The following MPZL2 variants were observed in gnomAD, a reference collection of about 807,000 sequenced individuals.
MPZL2 encodes myelin protein zero like 2, also known as myelin protein zero-like protein 2.
MPZL2 carries 32 observed loss-of-function variants against 24.5 expected under a neutral mutation model. The ratio of observed to expected loss-of-function variants is 1.31; its 90% CI spans 0.99 to 1.76. MPZL2 has a LOEUF of 1.76. MPZL2 is among the 40% of genes most tolerant of loss of function. The pLI is 0.00. For synonymous variants in MPZL2, 92 were observed against 97.9 expected (o/e 0.94, Z 0.36); for missense variants, 304 against 274.9 (o/e 1.11, Z -0.75).
In MPZL2 at chr11:118,260,046, A is replaced by G; in HGVS notation, c.584+8T>C. The G allele has an allele frequency of 1.2e-6, 2 of 1,613,824 alleles. No homozygotes were observed. Among genetic ancestry groups the G allele is most frequent in the Non-Finnish European group, 1.7e-6 (2 of 1,179,772 alleles). ...TGTTAGAACTTTCCCAGAACTGCCC[A>G]GCCTTACGATTTTATCTCCACCACT... On this transcript the variant is annotated splice_region_variant and intron_variant, in intron 4 of 5. Transcript: ENST00000278937.
At chr11:118,261,230 T>C (rs1232672950) in intron 3 of MPZL2, among the ~76,000 whole-genome samples, 3 of 152,228 alleles carry the variant, frequency 2.0e-5, no homozygotes, top group East Asian at 1.9e-4. Flanking sequence ...CAGCCCTCTA[T>C]TGGTGGGGCA....
chr11:118,260,202 C>T lies in MPZL2; in HGVS notation c.437-1G>A, dbSNP rs766653290. 6 of 1,611,384 alleles carry T rather than the reference C, an allele frequency of 3.7e-6. No individual in the cohort carries two copies. Among genetic ancestry groups the T allele is most frequent in the Non-Finnish European group, 5.1e-6 (6 of 1,179,166 alleles). On this transcript the variant is annotated splice_acceptor_variant, in intron 3 of 5. Coordinates refer to ENST00000278937, the MANE Select transcript of MPZL2 (RefSeq NM_005797.4). LOFTEE classifies it high-confidence loss of function. Reference sequence around the variant, plus strand: ...AGGAAGTGGATCTCAGAGAAGCGTACTGTAAGGAGAAAAAGATTAAATTAG... The same window carrying T: ...AGGAAGTGGATCTCAGAGAAGCGTATTGTAAGGAGAAAAAGATTAAATTAG...
At chr11:118,255,628 T>C (rs994740210) in intron 5 of MPZL2, among the ~76,000 whole-genome samples, 25 of 152,104 alleles carry the variant, frequency 1.6e-4, no homozygotes, top group African/African-American at 6.0e-4. Context: ...TCTCCCCTCA[T>C]CTCCCCCATC....
At chr11:118,261,791 T>G (rs1413675852) in intron 3 of MPZL2, among the ~76,000 whole-genome samples, 1 of 152,224 alleles carries the variant, frequency 6.6e-6, no homozygotes, top group African/African-American at 2.4e-5. Context: ...AGTTTTAGAT[T>G]CAAAGTTGAT....
chr11:118,255,653 C>G (rs1218248125), intron 5 of MPZL2, among the ~76,000 whole-genome samples: 2 of 130,444 alleles, frequency 1.5e-5, no homozygotes, highest in African/African-American at 3.1e-5. Flanking sequence ...AATTCTGAAG[C>G]CTTTTTTGTT....
In MPZL2 at chr11:118,254,964, G is replaced by A. The variant is rs1354280907; in HGVS notation, c.*282C>T. 1 of 152,138 alleles carries A rather than the reference G, an allele frequency of 6.6e-6. No individual in the cohort carries two copies. Among genetic ancestry groups the A allele is most frequent in the Non-Finnish European group, 1.5e-5 (1 of 68,020 alleles). 9.4% of individuals were successfully genotyped at this position (152,138 alleles called of 1,614,324 possible). A position where few individuals can be genotyped will look rare whatever the true frequency, so the allele number is the denominator to read the frequency against. Reference sequence around the variant, plus strand: ...CATAACACTGTAAGTAGTGTCTTAAGGGCAAAAATGTAGCTTCTTGTTTAT... The same window carrying A: ...CATAACACTGTAAGTAGTGTCTTAAAGGCAAAAATGTAGCTTCTTGTTTAT... On this transcript the variant is annotated 3_prime_UTR_variant, in exon 6 of 6. Transcript: ENST00000278937.
intron 5 of MPZL2, among the ~76,000 whole-genome samples, chr11:118,256,599 G>A (rs1793150): frequency 0.57 from 86,467 of 151,946 alleles, 25,075 homozygotes; most frequent in South Asian, 0.74. Flanking sequence ...GCAGTGACCC[G>A]AGATCGCACC....
At position 118,254,055 on chromosome 11, in the gene MPZL2, T is replaced by C. The variant is rs1481590472; in HGVS notation, c.*1191A>G. 1 of 152,546 alleles carries C rather than the reference T, an allele frequency of 6.6e-6. No homozygotes were observed. Among genetic ancestry groups the C allele is most frequent in the Non-Finnish European group, 1.5e-5 (1 of 68,000 alleles). The allele number at this position is 152,546 out of a possible 1,614,324, so 9.4% of individuals were successfully genotyped here. The stretch of plus-strand genomic sequence containing the variant: ...TCTATCCTTTGAACAAATGCTTCTG[T>C]ATCTTAAGCTTGTAACTTTTCTTTC... On this transcript the variant is annotated 3_prime_UTR_variant, in exon 6 of 6. Coordinates refer to ENST00000278937, the MANE Select transcript of MPZL2 (RefSeq NM_005797.4).
At chr11:118,260,969 G>A (rs1949696602) in intron 3 of MPZL2, among the ~76,000 whole-genome samples, 1 of 152,232 alleles carries the variant, frequency 6.6e-6, no homozygotes, top group Non-Finnish European at 1.5e-5. Context: ...CTCCATGAAG[G>A]AGGATGGGGA....
rs543229087 is a variant in MPZL2, at chr11:118,256,479, G to A, written c.*12+759C>T. On this transcript the variant is annotated intron_variant, in intron 5 of 5. Coordinates refer to ENST00000278937, the MANE Select transcript of MPZL2 (RefSeq NM_005797.4). Reference sequence around the variant, plus strand: ...AGCCTAGGCAACATGGGGAAACCCCGTCTCTACAAAAAGTACAAAAATTAG... The same window carrying A: ...AGCCTAGGCAACATGGGGAAACCCCATCTCTACAAAAAGTACAAAAATTAG... Among the ~76,000 whole-genome samples, 336 of 152,088 alleles carry A rather than the reference G, an allele frequency of 2.2e-3. 3 individuals are homozygous for A. The highest frequency in any genetic ancestry group is 7.9e-3 in the African/African-American group (326 of 41,498).
chr11:118,260,614 A>G (rs1172186064), intron 3 of MPZL2, among the ~76,000 whole-genome samples: 1 of 152,108 alleles, frequency 6.6e-6, no homozygotes, highest in Non-Finnish European at 1.5e-5. Context: ...GTAGTGCCCA[A>G]CCCATTTCTC....
At chr11:118,259,178 A>G (rs2134730712) in intron 4 of MPZL2, 1 of 151,302 alleles carries the variant, frequency 6.6e-6, no homozygotes, top group Admixed American at 6.6e-5. Flanking sequence ...CTTTTAGGAG[A>G]ATTAAAAACA....
At chr11:118,255,542 T>C (rs1354856397) in intron 5 of MPZL2, among the ~76,000 whole-genome samples, 1 of 152,078 alleles carries the variant, frequency 6.6e-6, no homozygotes, top group Non-Finnish European at 1.5e-5. Context: ...AAATCAGACA[T>C]ATAGAAAAGT....
At position 118,260,153 on chromosome 11, in the gene MPZL2, C is replaced by T. The variant is rs764603683; in HGVS notation, c.485G>A (p.Cys162Tyr). ...AATTACTATTATGATCATCAGTGCACAGGCAGAGCCAATGGCCAGAGCCAG... is the reference window on the plus strand; with the variant it reads ...AATTACTATTATGATCATCAGTGCATAGGCAGAGCCAATGGCCAGAGCCAG... ...HFLALAIGSA[C>Y]ALMIIIVIVV... Residue 162 changes from cysteine to tyrosine, a missense_variant, in exon 4 of 6, where the codon TGT (cysteine) becomes TAT (tyrosine). Cys to Tyr is a radical substitution (Grantham distance 194). Transcript: ENST00000278937. The T allele has an allele frequency of 6.8e-6, 11 of 1,614,096 alleles. No homozygotes were observed. Among genetic ancestry groups the T allele is most frequent in the Admixed American group, 1.7e-5 (1 of 60,030 alleles).
Position 118,262,533 on chromosome 11 carries a change from T to A in MPZL2, c.341A>T (p.Gln114Leu), listed in dbSNP as rs377722541. ...YDASILLWKL[Q>L]FDDNGTYTCQ... ...GGTGTATGTCCCATTGTCGTCGAAC[T>A]GCAGTTTCCAGAGAAGGATGGAGGC... The change falls in exon 3 of 6, where the codon CAG (glutamine) becomes CTG (leucine). Residue 114 changes from glutamine (Q) to leucine (L), a missense_variant. Gln to Leu is a moderately radical substitution (Grantham distance 113). Coordinates refer to ENST00000278937, the MANE Select transcript of MPZL2 (RefSeq NM_005797.4). The A allele has an allele frequency of 6.2e-6, 10 of 1,614,214 alleles. No individual in the cohort carries two copies. The highest frequency in any genetic ancestry group is 1.1e-5 in the South Asian group (1 of 91,092).
intron 3 of MPZL2, among the ~76,000 whole-genome samples, chr11:118,261,301 A>C (rs1020995051): frequency 6.6e-6 from 1 of 152,178 alleles, no homozygotes; most frequent in Admixed American, 6.5e-5. Context: ...GCACAGGCTT[A>C]TATGTTTGGA....
chr11:118,256,073 T>C (rs1215501506), intron 5 of MPZL2, among the ~76,000 whole-genome samples: 1 of 152,178 alleles, frequency 6.6e-6, no homozygotes, highest in East Asian at 1.9e-4. Context: ...TTAATTTTGG[T>C]TTTCTGGTTT....
chr11:118,262,595 G>A lies in MPZL2; in HGVS notation c.279C>T (p.Asp93=), dbSNP rs754940865. The A allele has an allele frequency of 6.2e-7, 1 of 1,614,108 alleles. No individual in the cohort carries two copies. The highest frequency in any genetic ancestry group is 1.1e-5 in the South Asian group (1 of 91,078). The change falls in exon 3 of 6, where the codon GAC becomes GAT. Residue 93 remains aspartate (D), a synonymous_variant. Coordinates refer to ENST00000278937, the MANE Select transcript of MPZL2 (RefSeq NM_005797.4). ...CAGGATTCCCATCCCAAGACACCCG[G>A]TCCTTAAACCGCCCACTCATGGGTT... ...PFQPMSGRFK[D]RVSWDGNPER...
intron 3 of MPZL2, among the ~76,000 whole-genome samples, chr11:118,260,628 G>A (rs1186635717): frequency 1.3e-5 from 2 of 152,130 alleles, no homozygotes; most frequent in Non-Finnish European, 2.9e-5. Context: ...ATTTCTCCCT[G>A]ACTTCTCACC....
Sources: allele counts gnomAD v4.1 joint callset (sites outside exome capture counted in the v4.1 genomes callset), GRCh38; gene constraint gnomAD v4.1.1; transcripts MANE v1.5; gene names NCBI Gene and HGNC (gene_info 2026-07-23, HGNC 2026-07-21).